Variants in ARHGAP8 observed in about 807,000 individuals in gnomAD.
The protein encoded by ARHGAP8 is Rho GTPase activating protein 8.
Under a neutral mutation model 46.1 loss-of-function variants are expected in ARHGAP8, and 62 were observed. The observed-to-expected ratio is 1.34, with a 90% confidence interval of 1.10 to 1.66. The LOEUF (loss-of-function observed/expected upper bound fraction) is 1.66. ARHGAP8 is among the 40% of genes most tolerant of loss of function. ARHGAP8 has a pLI of 0.00. For missense variants in ARHGAP8, 923 were observed against 568.4 expected, an observed-to-expected ratio of 1.62 and a Z score of -6.34; for synonymous variants, 375 against 243.1, an observed-to-expected ratio of 1.54 and a Z score of -5.05.
At chr22:44,795,475 C>A (rs550627060) in intron 2 of ARHGAP8, among the ~76,000 whole-genome samples, 88 of 152,246 alleles carry the variant, frequency 5.8e-4, no homozygotes, top group African/African-American at 2.0e-3. Flanking sequence ...CCCACACCCC[C>A]CTCTACCCTC....
At chr22:44,786,377 T>G (rs1433802527) in intron 1 of ARHGAP8, 80 bp from the exon 2 acceptor site, 2 of 1,507,152 alleles carry the variant, frequency 1.3e-6, no homozygotes, top group Non-Finnish European at 1.8e-6. Flanking sequence ...GTGACTGTCT[T>G]ATGAAAGGCA....
rs546162705 is a variant in ARHGAP8, at chr22:44,782,994, T to G, written c.-71-3463T>G. ...GGCTAACGTGTAGGGCCACGGGGGT[T>G]TCCAGGATGGTTCCCGCAGTGGGCC... is the stretch of plus-strand genomic sequence containing the variant. On this transcript the variant is annotated intron_variant, in intron 1 of 11. Transcript: ENST00000356099. Among the ~76,000 whole-genome samples, 123 of 152,042 alleles carry G rather than the reference T, an allele frequency of 8.1e-4. 1 individual carries two copies. The highest frequency in any genetic ancestry group is 2.9e-3 in the African/African-American group (121 of 41,494).
At chr22:44,845,489 T>C (rs2069932440) in intron 8 of ARHGAP8, 147 bp downstream of exon 8, 2 of 1,096,638 alleles carry the variant, frequency 1.8e-6, no homozygotes, top group Non-Finnish European at 1.3e-6. Context: ...AGGTCTGGGC[T>C]CTGGCCTCGG....
intron 10 of ARHGAP8, among the ~76,000 whole-genome samples, chr22:44,857,845 C>T (rs1400996269): frequency 5.9e-5 from 9 of 152,272 alleles, no homozygotes; most frequent in African/African-American, 1.9e-4. Flanking sequence ...AAATGCTTGA[C>T]CTCTTGCTCC....
At chr22:44,801,150 T>C (rs866598980) in intron 2 of ARHGAP8, among the ~76,000 whole-genome samples, 2 of 38,626 alleles carry the variant, frequency 5.2e-5, no homozygotes, top group African/African-American at 1.8e-4. Context: ...TGGGGGCACC[T>C]CTCCCCGCAG....
intron 1 of ARHGAP8, among the ~76,000 whole-genome samples, chr22:44,776,706 G>A (rs545093488): frequency 1.3e-5 from 2 of 152,118 alleles, no homozygotes; most frequent in Non-Finnish European, 2.9e-5. Flanking sequence ...TGGGCACTCC[G>A]GGAGGATTTG....
chr22:44,850,515 T>A (rs936769930), intron 10 of ARHGAP8: 6 of 152,218 alleles, frequency 3.9e-5, no homozygotes, highest in African/African-American at 1.4e-4. Flanking sequence ...CCCAACTTCA[T>A]TAGCCCCTGC....
chr22:44,823,947 C>T (rs538424086), intron 6 of ARHGAP8, among the ~76,000 whole-genome samples: 1 of 152,196 alleles, frequency 6.6e-6, no homozygotes, highest in Non-Finnish European at 1.5e-5. Context: ...TGAACTTACT[C>T]AGTAGGCAGC....
intron 6 of ARHGAP8, among the ~76,000 whole-genome samples, chr22:44,823,867 G>A (rs142300247): frequency 1.3e-5 from 2 of 152,276 alleles, no homozygotes; most frequent in Admixed American, 6.5e-5. Flanking sequence ...AACACTGAGG[G>A]TGCAGGGTCC....
In ARHGAP8 at chr22:44,792,261, C is replaced by T. The variant is rs372824519; in HGVS notation, c.79+5655C>T. 7.9e-5 allele frequency among the ~76,000 whole-genome samples: 12 copies of T among 152,228 alleles called. No homozygotes were observed. The South Asian group carries it at 1.9e-3, about 24-fold the overall frequency. On this transcript the variant is annotated intron_variant, in intron 2 of 11. Coordinates refer to ENST00000356099, the MANE Select transcript of ARHGAP8 (RefSeq NM_181335.3). ...TCCTGACCTCATGATCCACCTGCCT[C>T]GGCCTCCCAAAGTGCTGGGATTACA...
intron 1 of ARHGAP8, among the ~76,000 whole-genome samples, chr22:44,784,372 C>T (rs919135903): frequency 6.6e-6 from 1 of 152,140 alleles, no homozygotes; most frequent in Admixed American, 6.6e-5. Context: ...CCACTGCACT[C>T]CAGCCTGGGC....
intron 7 of ARHGAP8, 134 bp from the exon 8 acceptor site, chr22:44,845,135 C>A: frequency 2.9e-6 from 3 of 1,039,354 alleles, no homozygotes; most frequent in Admixed American, 2.6e-5. Flanking sequence ...GAGGGCTGAG[C>A]CTACCTCTCT....
At chr22:44,781,784 C>T (rs990834344) in intron 1 of ARHGAP8, among the ~76,000 whole-genome samples, 4 of 152,076 alleles carry the variant, frequency 2.6e-5, no homozygotes, top group African/African-American at 9.7e-5. Context: ...CTCAGCCACC[C>T]GAAGTGCTGG....
intron 1 of ARHGAP8, among the ~76,000 whole-genome samples, chr22:44,756,898 T>C (rs1235905381): frequency 6.6e-6 from 1 of 152,088 alleles, no homozygotes; most frequent in African/African-American, 2.4e-5. Flanking sequence ...AATACTATTA[T>C]GTTTAAAACG....
chr22:44,766,696 T>C (rs1925603058), intron 1 of ARHGAP8, among the ~76,000 whole-genome samples: 1 of 152,168 alleles, frequency 6.6e-6, no homozygotes, highest in Admixed American at 6.5e-5. Context: ...TTTGCTGCCC[T>C]TTCTTCCTTC....
chr22:44,861,210 G>A (rs1194728434), intron 11 of ARHGAP8, among the ~76,000 whole-genome samples: 1 of 152,094 alleles, frequency 6.6e-6, no homozygotes, highest in Non-Finnish European at 1.5e-5. Flanking sequence ...GACCTCAGGT[G>A]ATCCACCTGC....
intron 7 of ARHGAP8, among the ~76,000 whole-genome samples, chr22:44,830,903 C>T (rs998572324): frequency 1.3e-5 from 2 of 152,280 alleles, no homozygotes; most frequent in East Asian, 3.9e-4. Context: ...AGTTTTGTTT[C>T]ACATTTCACT....
chr22:44,803,266 G>C (rs902461129), intron 3 of ARHGAP8, among the ~76,000 whole-genome samples: 6 of 152,164 alleles, frequency 3.9e-5, no homozygotes, highest in African/African-American at 1.4e-4. Flanking sequence ...TCCACAGCTG[G>C]TACAGGGTGG....
intron 10 of ARHGAP8, among the ~76,000 whole-genome samples, chr22:44,852,700 C>T (rs77112416): frequency 0.012 from 1,902 of 152,254 alleles, 18 homozygotes; most frequent in Non-Finnish European, 0.021. Context: ...AGGGTGACTA[C>T]CTAAGTCAGC....
Sources: gnomAD v4.1 joint callset for allele counts (sites outside exome capture counted in the v4.1 genomes callset) on GRCh38, gnomAD v4.1.1 for gene constraint, MANE v1.5 for transcripts, NCBI Gene and HGNC (gene_info 2026-07-23, HGNC 2026-07-21) for gene names.